SCAND3: variants seen among roughly 807,000 people sequenced by gnomAD.
SCAND3 encodes SCAN domain containing 3, also known as SCAN domain-containing protein 3.
chr6:28,584,459 A>C, the SCAND3 span, among the ~76,000 whole-genome samples: 1 of 152,202 alleles, frequency 6.6e-6, no homozygotes, highest in African/African-American at 2.4e-5. Context: ...AGTAGGCACC[A>C]AGGCTAGTCT....
At chr6:28,602,402 T>C in the SCAND3 span, among the ~76,000 whole-genome samples, 54 of 152,276 alleles carry the variant, frequency 3.5e-4, no homozygotes, top group Middle Eastern at 6.8e-3. Flanking sequence ...GAGACAGGGT[T>C]TCACTAGGTT....
chr6:28,575,856 T>G, the SCAND3 span: 4 of 1,614,030 alleles, frequency 2.5e-6, no homozygotes, highest in East Asian at 2.2e-5. The surrounding 1 kb of genome is among the most constrained non-coding windows in gnomAD (Gnocchi z 4.2). Context: ...GCTTCTCATT[T>G]CCTTGTACAA....
At chr6:28,610,105 T>A in the SCAND3 span, among the ~76,000 whole-genome samples, 1 of 152,060 alleles carries the variant, frequency 6.6e-6, no homozygotes, top group Non-Finnish European at 1.5e-5. Context: ...GCGCCTGTAA[T>A]CCCAACTACT....
At chr6:28,575,901 A>G in the SCAND3 span, 1 of 1,614,042 alleles carries the variant, frequency 6.2e-7, no homozygotes, top group South Asian at 1.1e-5. The surrounding 1 kb of genome is among the most constrained non-coding windows in gnomAD (Gnocchi z 4.2). Context: ...GACGGTAGTC[A>G]ACTGATTCCT....
At chr6:28,591,717 T>G in the SCAND3 span, 4 of 152,134 alleles carry the variant, frequency 2.6e-5, no homozygotes, top group Non-Finnish European at 5.9e-5. Flanking sequence ...CCTATTGCAA[T>G]TGTCTGGAAT....
chr6:28,601,221 T>A, the SCAND3 span, among the ~76,000 whole-genome samples: 9 of 152,102 alleles, frequency 5.9e-5, no homozygotes, highest in Non-Finnish European at 1.2e-4. Flanking sequence ...GCCCATTTTT[T>A]AAAATGTTCT....
the SCAND3 span, among the ~76,000 whole-genome samples, chr6:28,595,195 C>CAAAA: frequency 4.5e-3 from 73 of 16,120 alleles, 21 homozygotes; most frequent in African/African-American, 0.012. Flanking sequence ...CCGTCACTAC[C>CAAAA]AAAAAAAAAA....
chr6:28,615,271 T>C, the SCAND3 span, among the ~76,000 whole-genome samples: 1 of 152,164 alleles, frequency 6.6e-6, no homozygotes, highest in Non-Finnish European at 1.5e-5. Flanking sequence ...AATGTAATAT[T>C]TTACTATCTC....
chr6:28,581,421 A>G, the SCAND3 span, among the ~76,000 whole-genome samples: 2 of 152,238 alleles, frequency 1.3e-5, no homozygotes, highest in Admixed American at 1.3e-4. Context: ...AGAAATGCAC[A>G]TATTTCCAAT....
the SCAND3 span, among the ~76,000 whole-genome samples, chr6:28,609,755 C>T: frequency 6.6e-6 from 1 of 152,160 alleles, no homozygotes; most frequent in Non-Finnish European, 1.5e-5. Context: ...AGAACATACC[C>T]AGGACCACAA....
At chr6:28,598,917 T>C in the SCAND3 span, among the ~76,000 whole-genome samples, 1 of 148,918 alleles carries the variant, frequency 6.7e-6, no homozygotes, top group East Asian at 1.9e-4. Context: ...AAAGTAATTA[T>C]AGCAAGGTTG....
At chr6:28,595,548 C>A in the SCAND3 span, among the ~76,000 whole-genome samples, 1 of 151,740 alleles carries the variant, frequency 6.6e-6, no homozygotes, top group Non-Finnish European at 1.5e-5. Context: ...ATGGCGAGAC[C>A]CCGTCTCTAC....
At chr6:28,574,656 T>G in the SCAND3 span, 1 of 1,613,236 alleles carries the variant, frequency 6.2e-7, no homozygotes, top group Non-Finnish European at 8.5e-7. Context: ...AGTCTCCTAC[T>G]TTGTCTGGTG....
At chr6:28,574,549 G>C in the SCAND3 span, 1 of 1,060,418 alleles carries the variant, frequency 9.4e-7, no homozygotes, top group Non-Finnish European at 1.4e-6. Flanking sequence ...TAATAAAAAT[G>C]TGCTTTCATA....
At chr6:28,599,364 A>G in the SCAND3 span, among the ~76,000 whole-genome samples, 1 of 152,246 alleles carries the variant, frequency 6.6e-6, no homozygotes. Flanking sequence ...CAACATGCAA[A>G]AGAACTATGC....
chr6:28,572,931 C>G, the SCAND3 span: 1 of 1,613,976 alleles, frequency 6.2e-7, no homozygotes, highest in Non-Finnish European at 8.5e-7. The surrounding 1 kb of genome is among the most constrained non-coding windows in gnomAD (Gnocchi z 4.1). Flanking sequence ...GTTCCTTAAT[C>G]TGGGTTACCA....
At chr6:28,573,150 T>G in the SCAND3 span, 1 of 1,613,072 alleles carries the variant, frequency 6.2e-7, no homozygotes, top group South Asian at 1.1e-5. Context: ...CTAAAAGAAT[T>G]ATCATGTTAG....
At chr6:28,603,355 A>G in the SCAND3 span, among the ~76,000 whole-genome samples, 1 of 152,200 alleles carries the variant, frequency 6.6e-6, no homozygotes, top group Non-Finnish European at 1.5e-5. Context: ...TTATTTCAAC[A>G]CTTCCAAAAT....
the SCAND3 span, chr6:28,571,876 T>C: frequency 1.3e-6 from 2 of 1,597,376 alleles, no homozygotes; most frequent in South Asian, 2.3e-5. Context: ...ATGCATACTT[T>C]GAACCAATAC....
Sources: gnomAD v4.1 joint callset for allele counts (sites outside exome capture counted in the v4.1 genomes callset) on GRCh38, gnomAD v4.1.1 for gene constraint, Gnocchi (gnomAD v3.1) non-coding constraint, MANE v1.5 for transcripts, NCBI Gene and HGNC (gene_info 2026-07-23, HGNC 2026-07-21) for gene names.